CADPS2: variants seen among roughly 807,000 people sequenced by gnomAD.
CADPS2 encodes calcium dependent secretion activator 2, also known as calcium-dependent secretion activator 2.
A neutral mutation model predicts 172.5 loss-of-function variants in CADPS2; 93 were observed. That is an observed-to-expected ratio of 0.54 (90% CI 0.46 to 0.64). CADPS2 has a LOEUF of 0.64. Ranked by LOEUF, CADPS2 falls within the 30% of genes least tolerant of loss-of-function variation. The pLI, the probability that CADPS2 is intolerant of heterozygous loss-of-function variation, is 0.00. For synonymous variants in CADPS2, 546 were observed against 555.2 expected, an observed-to-expected ratio of 0.98 and a Z score of 0.23; for missense variants, 1,420 against 1,565.9, an observed-to-expected ratio of 0.91 and a Z score of 1.57.
chr7:122,390,977 T>C lies in CADPS2; in HGVS notation c.3008+2219A>G, dbSNP rs1382957464. Reference sequence around the variant, plus strand: ...ATTTATATACAGATACATATGTCGATGAGCAATCCTTGCATGATTTATGCA... The same window carrying C: ...ATTTATATACAGATACATATGTCGACGAGCAATCCTTGCATGATTTATGCA... On this transcript the variant is annotated intron_variant, in intron 22 of 29. Transcript: ENST00000449022. 2.0e-5 allele frequency among the ~76,000 whole-genome samples: 3 copies of C among 152,194 alleles called. No homozygotes were observed. In the East Asian group the frequency reaches 5.8e-4, roughly 29 times the overall value.
At chr7:122,395,686 T>C (rs772074563) in intron 20 of CADPS2, among the ~76,000 whole-genome samples, 1 of 152,178 alleles carries the variant, frequency 6.6e-6, no homozygotes, top group Non-Finnish European at 1.5e-5. Context: ...ACTTAAGAAC[T>C]CTCATTCTCT....
At chr7:122,655,622 A>G (rs892012296) in intron 3 of CADPS2, among the ~76,000 whole-genome samples, 3 of 152,200 alleles carry the variant, frequency 2.0e-5, no homozygotes, top group Admixed American at 6.6e-5. Context: ...AAATTGTGTG[A>G]CCTGCTTTAT....
intron 1 of CADPS2, among the ~76,000 whole-genome samples, chr7:122,848,909 GA>G (rs35830455): frequency 6.6e-6 from 1 of 151,718 alleles, no homozygotes; most frequent in Non-Finnish European, 1.5e-5. Context: ...ACTTTACTAA[GA>G]AAAAAAATGC....
intron 2 of CADPS2, among the ~76,000 whole-genome samples, chr7:122,664,219 C>T (rs2080936331): frequency 6.6e-6 from 1 of 152,026 alleles, no homozygotes; most frequent in Non-Finnish European, 1.5e-5. Flanking sequence ...TAGGGTAAGT[C>T]TAATATCCAA....
chr7:122,518,534 A>G lies in CADPS2; in HGVS notation c.1476-5219T>C, dbSNP rs186766671. 1.9e-3 allele frequency among the ~76,000 whole-genome samples: 285 copies of G among 152,190 alleles called. 1 individual carries two copies. The highest frequency in any genetic ancestry group is 6.6e-3 in the African/African-American group (273 of 41,548). The stretch of plus-strand genomic sequence containing the variant: ...GTCTACCAAATAAACATATAGAAAA[A>G]TATTATCTAAGAAATGCGTGTGTCA... On this transcript the variant is annotated intron_variant, in intron 8 of 29. Transcript: ENST00000449022.
At chr7:122,512,232 C>T (rs964373919) in intron 9 of CADPS2, among the ~76,000 whole-genome samples, 6 of 152,070 alleles carry the variant, frequency 3.9e-5, no homozygotes, top group African/African-American at 9.7e-5. Context: ...GATGGCTGTA[C>T]GTACTCACTG....
At chr7:122,774,619 G>T (rs2093818484) in intron 1 of CADPS2, among the ~76,000 whole-genome samples, 1 of 152,082 alleles carries the variant, frequency 6.6e-6, no homozygotes, top group South Asian at 2.1e-4. Flanking sequence ...TATCAATTCT[G>T]CAGTCTAATT....
intron 24 of CADPS2, among the ~76,000 whole-genome samples, chr7:122,385,818 G>C (rs2043589345): frequency 6.6e-6 from 1 of 152,038 alleles, no homozygotes; most frequent in Non-Finnish European, 1.5e-5. Context: ...TCTGTATGAA[G>C]TGACTTTGGG....
chr7:122,402,391 C>T (rs2046061793), intron 20 of CADPS2, among the ~76,000 whole-genome samples: 1 of 152,166 alleles, frequency 6.6e-6, no homozygotes, highest in South Asian at 2.1e-4. Flanking sequence ...TCCTTAACTC[C>T]CTGCTGTCAA....
chr7:122,527,880 G>A (rs76070193), intron 8 of CADPS2, among the ~76,000 whole-genome samples: 359 of 152,208 alleles, frequency 2.4e-3, no homozygotes, highest in Non-Finnish European at 4.3e-3. Context: ...AAAACAGAGA[G>A]AGAAGGGTGA....
intron 1 of CADPS2, among the ~76,000 whole-genome samples, chr7:122,847,357 G>C (rs930823958): frequency 3.3e-5 from 5 of 152,178 alleles, no homozygotes. Flanking sequence ...AGAGTGCTAG[G>C]ATTACAGGTG....
chr7:122,475,441 T>A (rs571914858), intron 12 of CADPS2, among the ~76,000 whole-genome samples: 2 of 152,310 alleles, frequency 1.3e-5, no homozygotes, highest in Admixed American at 1.3e-4. Context: ...CTCTTTCTGG[T>A]CATCATAAGA....
At chr7:122,857,618 A>G (rs1815671391) in intron 1 of CADPS2, among the ~76,000 whole-genome samples, 1 of 152,150 alleles carries the variant, frequency 6.6e-6, no homozygotes, top group Admixed American at 6.5e-5. Flanking sequence ...ACATTTTAAG[A>G]TTTCCTATTC....
chr7:122,374,831 G>C (rs1585385606), intron 25 of CADPS2, among the ~76,000 whole-genome samples: 2 of 152,064 alleles, frequency 1.3e-5, no homozygotes, highest in Non-Finnish European at 2.9e-5. Flanking sequence ...TGTAGCAAAA[G>C]TGCACATTCT....
chr7:122,512,985 A>C (rs41281716), intron 9 of CADPS2, among the ~76,000 whole-genome samples: 113 of 152,304 alleles, frequency 7.4e-4, no homozygotes, highest in Non-Finnish European at 1.5e-3. Context: ...GCAAGAAAAC[A>C]GTTACCTTCT....
chr7:122,776,041 G>T (rs2093872429), intron 1 of CADPS2, among the ~76,000 whole-genome samples: 1 of 152,112 alleles, frequency 6.6e-6, no homozygotes, highest in Non-Finnish European at 1.5e-5. Context: ...CAAAAAGGAG[G>T]GTTTTTTAAA....
chr7:122,739,913 C>G (rs2092378453), intron 1 of CADPS2, among the ~76,000 whole-genome samples: 1 of 152,100 alleles, frequency 6.6e-6, no homozygotes, highest in African/African-American at 2.4e-5. Flanking sequence ...TACTATAAAA[C>G]ACCTATATAG....
chr7:122,878,856 C>T (rs1440443328), intron 1 of CADPS2, among the ~76,000 whole-genome samples: 1 of 151,996 alleles, frequency 6.6e-6, no homozygotes, highest in Non-Finnish European at 1.5e-5. Flanking sequence ...GTTAAATTCA[C>T]ATAATAGGGA....
chr7:122,884,694 A>G (rs1031692678), intron 1 of CADPS2, among the ~76,000 whole-genome samples: 3 of 152,210 alleles, frequency 2.0e-5, no homozygotes, highest in Non-Finnish European at 2.9e-5. Flanking sequence ...ATTTTTTTCT[A>G]AGAGGATAGA....
Sources: allele counts gnomAD v4.1 joint callset (sites outside exome capture counted in the v4.1 genomes callset), GRCh38; gene constraint gnomAD v4.1.1; transcripts MANE v1.5; gene names NCBI Gene and HGNC (gene_info 2026-07-23, HGNC 2026-07-21).